The following CENPE variants were observed in gnomAD, a reference collection of about 807,000 sequenced individuals.
CENPE encodes centromere-associated protein E.
CENPE carries 145 observed loss-of-function variants against 336.1 expected under a neutral mutation model. The ratio of observed to expected loss-of-function variants is 0.43; its 90% confidence interval spans 0.38 to 0.50. The LOEUF (loss-of-function observed/expected upper bound fraction) is 0.50. Among genes scored for constraint, CENPE ranks in the 20% least tolerant of loss-of-function variants. The probability of loss-of-function intolerance (pLI) is 0.00; values close to 1 mark genes in which losing one functional copy is unlikely to be tolerated. For synonymous variants in CENPE, 1,013 were observed against 984.8 expected (o/e 1.03, Z -0.54); for missense variants, 2,719 against 3,023.3 (o/e 0.90, Z 2.36).
At chr4:103,138,325 T>G (rs773326549) in intron 39 of CENPE, 26 bp downstream of exon 39, 6 of 1,453,596 alleles carry the variant, frequency 4.1e-6, no homozygotes, top group Non-Finnish European at 5.8e-6. Flanking sequence ...CAATAATCAT[T>G]TGTAGTTTTA....
intron 24 of CENPE, among the ~76,000 whole-genome samples, chr4:103,156,845 G>A (rs1225493940): frequency 1.3e-5 from 2 of 151,886 alleles, no homozygotes; most frequent in African/African-American, 4.8e-5. Flanking sequence ...TGATAAAGGG[G>A]TAATATTCAG....
In CENPE at chr4:103,122,964, C is replaced by G. The variant is rs747200493; in HGVS notation, c.7050G>C (p.Lys2350Asn). The G allele has an allele frequency of 1.2e-6, 2 of 1,613,906 alleles. No individual in the cohort carries two copies. The highest frequency in any genetic ancestry group is 2.2e-5 in the South Asian group (2 of 91,064). The change falls in exon 43 of 49, where the codon AAG becomes AAC. Residue 2350 changes from lysine to asparagine, a missense_variant. Physicochemically the swap from Lys to Asn is moderately conservative, Grantham distance 94 (BLOSUM62 0). This residue lies in a region of CENPE where 2,437 missense variants were observed against 2,513.3 expected (regional missense o/e 0.97). Coordinates refer to ENST00000265148, the MANE Select transcript of CENPE (RefSeq NM_001813.3). ...CCTGGGCACCAGATGCCAAGGAAGT[C>G]TTCAATGTTTGGTAGTTTTTAAATA... is the stretch of plus-strand genomic sequence containing the variant. ...EKLFKNYQTL[K>N]TSLASGAQVN... is the part of the protein sequence containing the mutation.
In CENPE at chr4:103,132,901, G is replaced by A. The variant is rs1246964115; in HGVS notation, c.6721-5C>T. The A allele has an allele frequency of 2.9e-6, 4 of 1,363,528 alleles. No homozygotes were observed. The African/African-American group carries it at 6.2e-5, about 21-fold the overall frequency. 84.5% of individuals were successfully genotyped at this position (1,363,528 alleles called of 1,614,324 possible). ...TGAGAAATCTTTGAGAATTTCCTGT[G>A]TGAAAAATAAGCGTCAAATTGTTTA... On this transcript the variant is annotated splice_region_variant and splice_polypyrimidine_tract_variant and intron_variant, in intron 41 of 48. Transcript: ENST00000265148.
chr4:103,161,581 C>A, intron 18 of CENPE, 124 bp from the exon 19 acceptor site: 2 of 714,118 alleles, frequency 2.8e-6, no homozygotes, highest in Non-Finnish European at 4.1e-6. Context: ...TGCTAGTTAC[C>A]AAATATATAA....
chr4:103,190,940 A>G (rs1757254619), intron 8 of CENPE, among the ~76,000 whole-genome samples: 1 of 151,378 alleles, frequency 6.6e-6, no homozygotes, highest in African/African-American at 2.4e-5. Flanking sequence ...ACTCAAACAA[A>G]TTTAGAAAAA....
At position 103,182,136 on chromosome 4, in the gene CENPE, G is replaced by A. The variant is rs187734048; in HGVS notation, c.963+626C>T. Among the ~76,000 whole-genome samples, 335 of 150,508 alleles carry A rather than the reference G, an allele frequency of 2.2e-3. 3 individuals carry two copies. Among genetic ancestry groups the A allele is most frequent in the Admixed American group, 0.021 (311 of 15,112 alleles). ...GACATAGTTTCGCTCTTGTTGCCTAGGCTGGAGTGCAATGGCGCGATCTCG... is the reference window on the plus strand; with the variant it reads ...GACATAGTTTCGCTCTTGTTGCCTAAGCTGGAGTGCAATGGCGCGATCTCG... On this transcript the variant is annotated intron_variant, in intron 11 of 48. Transcript: ENST00000265148.
chr4:103,167,010 T>A (rs1406618901), intron 16 of CENPE, among the ~76,000 whole-genome samples: 1 of 149,986 alleles, frequency 6.7e-6, no homozygotes, highest in Non-Finnish European at 1.5e-5. Context: ...AAATGAGTGA[T>A]CTGTTTCTAT....
At position 103,161,216 on chromosome 4, in the gene CENPE, AT is replaced by A; in HGVS notation, c.2000del (p.Asn667MetfsTer31). The A allele has an allele frequency of 1.9e-6, 3 of 1,610,002 alleles. No homozygotes were observed. The highest frequency in any genetic ancestry group is 2.2e-5 in the South Asian group (2 of 90,030). Reference sequence around the variant, plus strand: ...ACTGGCTTTGATATAACTGAATATCATTTTCCATTTGCTTGTATGTAGTTGC... The same window carrying A: ...ACTGGCTTTGATATAACTGAATATCATTTCCATTTGCTTGTATGTAGTTGC... ...ELATTYKQMENDIQLYQSQLE... is the reference protein window; with the variant it reads ...ELATTYKQMEXDIQLYQSQLE... On this transcript the variant is annotated frameshift_variant, in exon 20 of 49. Transcript: ENST00000265148. LOFTEE classifies it high-confidence loss of function.
rs966126906 is a variant in CENPE at position 103,108,855 on chromosome 4, T to G, written c.7959A>C (p.Pro2653=). 3 of 1,613,930 alleles carry G rather than the reference T, an allele frequency of 1.9e-6. No homozygotes were observed. Among genetic ancestry groups the G allele is most frequent in the Non-Finnish European group, 2.5e-6 (3 of 1,179,846 alleles). The change falls in exon 48 of 49, where the codon CCA becomes CCC. Residue 2653 remains proline (P), a synonymous_variant. Coordinates refer to ENST00000265148, the MANE Select transcript of CENPE (RefSeq NM_001813.3). ...CAAAATAGCGAACTGGATGAGGTGA[T>G]GGTAAAGACTTTGATCGGCTATCAA... ...CFFDSRSKSL[P]SPHPVRYFDN...
intron 29 of CENPE, among the ~76,000 whole-genome samples, chr4:103,146,921 G>C (rs1753102800): frequency 6.6e-6 from 1 of 152,142 alleles, no homozygotes; most frequent in African/African-American, 2.4e-5. Flanking sequence ...AAATCAATAA[G>C]ATTTGGTGAC....
chr4:103,126,297 C>G (rs1255404736), intron 42 of CENPE, among the ~76,000 whole-genome samples: 1 of 151,866 alleles, frequency 6.6e-6, no homozygotes, highest in African/African-American at 2.4e-5. Context: ...TTTCTTAAGG[C>G]CTGACCTCAG....
intron 48 of CENPE, among the ~76,000 whole-genome samples, chr4:103,108,458 C>T (rs1056359293): frequency 6.6e-6 from 1 of 151,994 alleles, no homozygotes; most frequent in Admixed American, 6.6e-5. Context: ...AAATATAATG[C>T]TATTGGATAT....
chr4:103,125,283 A>G (rs1333869002), intron 42 of CENPE, among the ~76,000 whole-genome samples: 1 of 152,226 alleles, frequency 6.6e-6, no homozygotes, highest in African/African-American at 2.4e-5. Flanking sequence ...TATAATATTA[A>G]TCTAGCTACC....
chr4:103,117,971 T>C (rs1750290618), intron 44 of CENPE, among the ~76,000 whole-genome samples: 1 of 152,204 alleles, frequency 6.6e-6, no homozygotes, highest in African/African-American at 2.4e-5. Context: ...ACTGTATGAA[T>C]GTACCAGTTT....
intron 18 of CENPE, among the ~76,000 whole-genome samples, chr4:103,162,857 C>T (rs781351717): frequency 6.6e-6 from 1 of 152,106 alleles, no homozygotes; most frequent in Non-Finnish European, 1.5e-5. Context: ...TGTGCCCTGG[C>T]CTAAAACTTA....
At chr4:103,196,388 T>C (rs912892181) in intron 2 of CENPE, 136 bp from the exon 3 acceptor site, 2 of 726,814 alleles carry the variant, frequency 2.8e-6, no homozygotes, top group African/African-American at 3.6e-5. Context: ...AGACACAGTA[T>C]TTTTTTCAAC....
At chr4:103,185,746 G>T in intron 9 of CENPE, 64 bp downstream of exon 9, 1 of 1,036,102 alleles carries the variant, frequency 9.7e-7, no homozygotes, top group Non-Finnish European at 1.4e-6. Context: ...ATGCCTGGTA[G>T]TACTTTTTAA....
chr4:103,140,047 C>G lies in CENPE; in HGVS notation c.5946G>C (p.Leu1982=), dbSNP rs770949162. Reference sequence around the variant, plus strand: ...TATTGACATCTTCTTTCACTCTAAGCAGTTGAAGTTCTTTTTTCTGAAGTT... The same window carrying G: ...TATTGACATCTTCTTTCACTCTAAGGAGTTGAAGTTCTTTTTTCTGAAGTT... ...IQELQKKELQ[L]LRVKEDVNMS... The change falls in exon 38 of 49, where the codon CTG becomes CTC. Residue 1982 remains leucine (L), a synonymous_variant. Coordinates refer to ENST00000265148, the MANE Select transcript of CENPE (RefSeq NM_001813.3). 6.2e-7 allele frequency: 1 copy of G among 1,606,728 alleles called. No homozygotes were observed. The highest frequency in any genetic ancestry group is 1.1e-5 in the South Asian group (1 of 89,334).
chr4:103,138,094 C>T (rs1277344484), intron 39 of CENPE, among the ~76,000 whole-genome samples: 2 of 152,176 alleles, frequency 1.3e-5, no homozygotes, highest in Non-Finnish European at 2.9e-5. Flanking sequence ...TCTGTATGGC[C>T]TGACCCTTTA....
Sources: allele counts gnomAD v4.1 joint callset (sites outside exome capture counted in the v4.1 genomes callset), GRCh38; gene constraint gnomAD v4.1.1; regional missense constraint gnomAD v4.1.1; transcripts MANE v1.5; gene names NCBI Gene and HGNC (gene_info 2026-07-23, HGNC 2026-07-21).